The following ZKSCAN5 variants were observed in gnomAD, a reference collection of about 807,000 sequenced individuals.
ZKSCAN5 encodes zinc finger with KRAB and SCAN domains 5.
Under a neutral mutation model 60.0 loss-of-function variants are expected in ZKSCAN5, and 28 were observed. The ratio of observed to expected loss-of-function variants is 0.47; its 90% CI spans 0.35 to 0.64. The LOEUF is 0.64. Among genes scored for constraint, ZKSCAN5 ranks in the 30% least tolerant of loss-of-function variants. ZKSCAN5 has a pLI of 0.01. For synonymous variants in ZKSCAN5, 361 were observed against 371.2 expected (o/e 0.97, Z 0.31); for missense variants, 881 against 1,034.6 (o/e 0.85, Z 2.04).
At chr7:99,504,945 GC>G (rs1474582832) in intron 1 of ZKSCAN5, 5 of 152,608 alleles carry the variant, frequency 3.3e-5, no homozygotes, top group Admixed American at 6.5e-5. Context: ...TGGAGGCCCC[GC>G]CCCCTTCCCC....
chr7:99,527,861 G>T (rs941591952), intron 6 of ZKSCAN5, among the ~76,000 whole-genome samples: 4 of 151,592 alleles, frequency 2.6e-5, no homozygotes, highest in Admixed American at 2.0e-4. Context: ...ATTTTTTTTT[G>T]TATTTTTAGT....
At chr7:99,520,438 GAATA>G (rs975056133) in intron 5 of ZKSCAN5, 134 bp downstream of exon 5, 362 of 1,005,752 alleles carry the variant, frequency 3.6e-4, no homozygotes, top group Non-Finnish European at 4.2e-4. Context: ...TTTTGTAAAA[GAATA>G]AATCAGCCTT....
At chr7:99,518,979 CTTT>C (rs1233450704) in intron 3 of ZKSCAN5, among the ~76,000 whole-genome samples, 1 of 80,990 alleles carries the variant, frequency 1.2e-5, no homozygotes, top group Non-Finnish European at 2.6e-5. Context: ...TGGCCCCCAC[CTTT>C]TTTTTTTTTT....
At position 99,531,363 on chromosome 7, in the gene ZKSCAN5, G is replaced by T; in HGVS notation, c.1634G>T (p.Gly545Val). The T allele has an allele frequency of 6.2e-7, 1 of 1,614,162 alleles. No homozygotes were observed. The highest frequency in any genetic ancestry group is 1.1e-5 in the South Asian group (1 of 91,084). The change falls in exon 7 of 7, where the codon GGA (glycine) becomes GTA (valine). Residue 545 changes from glycine to valine, a missense_variant. Around this residue, in one of 5 missense-constraint regions of ZKSCAN5, gnomAD observed 490 missense variants for 554.5 expected, o/e 0.88. Coordinates refer to ENST00000326775, the MANE Select transcript of ZKSCAN5 (RefSeq NM_145102.4). ...VPYVHKKSST[G>V]ERPHKCNECG... ...TATGTCCACAAAAAATCCTCCACTG[G>T]AGAGAGACCACATAAATGTAACGAG...
chr7:99,527,001 TC>T (rs1168811736), intron 6 of ZKSCAN5, among the ~76,000 whole-genome samples: 1 of 152,204 alleles, frequency 6.6e-6, no homozygotes, highest in East Asian at 1.9e-4. Context: ...TTTCTCTCTT[TC>T]CCCTTTTCCC....
intron 5 of ZKSCAN5, among the ~76,000 whole-genome samples, chr7:99,522,163 G>T (rs1471885342): frequency 1.3e-5 from 2 of 152,102 alleles, no homozygotes; most frequent in Non-Finnish European, 2.9e-5. Context: ...TCTCTCGGAA[G>T]GCCATGTTAG....
In ZKSCAN5 at chr7:99,506,308, G is replaced by T. The variant is rs1161683922; in HGVS notation, c.264G>T (p.Gln88His). 6.2e-7 allele frequency: 1 copy of T among 1,614,122 alleles called. No individual in the cohort carries two copies. Among genetic ancestry groups the T allele is most frequent in the Admixed American group, 1.7e-5 (1 of 60,002 alleles). ...WLRPELHTKE[Q>H]ILELLVLEQF... ...GGCCCGAGCTGCACACGAAGGAGCAGATCCTGGAGCTGCTGGTGCTGGAGC... is the reference window on the plus strand; with the variant it reads ...GGCCCGAGCTGCACACGAAGGAGCATATCCTGGAGCTGCTGGTGCTGGAGC... Residue 88 changes from glutamine to histidine, a missense_variant, in exon 2 of 7, where the codon CAG (glutamine) becomes CAT (histidine). By Grantham distance (24) the Gln-to-His change is conservative (BLOSUM62 0). This residue lies in a region of ZKSCAN5 where 53 missense variants were observed against 88.7 expected (regional missense o/e 0.60). Coordinates refer to ENST00000326775, the MANE Select transcript of ZKSCAN5 (RefSeq NM_145102.4).
intron 1 of ZKSCAN5, 110 bp from the exon 2 acceptor site, chr7:99,505,895 C>T (rs542856078): frequency 8.8e-6 from 8 of 904,762 alleles, no homozygotes; most frequent in Middle Eastern, 3.5e-4. Flanking sequence ...TATAGATGAC[C>T]TCTTTGCCAT....
Position 99,512,088 on chromosome 7 carries a change from G to A in ZKSCAN5, c.415-365G>A, listed in dbSNP as rs553787422. On this transcript the variant is annotated intron_variant, in intron 2 of 6. Coordinates refer to ENST00000326775, the MANE Select transcript of ZKSCAN5 (RefSeq NM_145102.4). ...ATTACAGGCGTGAGCCACCCCGTGC[G>A]CCCAGCCCTTCTCAACCTTTAAGTG... Among the ~76,000 whole-genome samples the A allele has an allele frequency of 5.3e-5, 8 of 152,244 alleles. No individual in the cohort carries two copies. The South Asian group carries it at 6.2e-4, about 12-fold the overall frequency.
chr7:99,516,135 G>T (rs1467195213), intron 3 of ZKSCAN5, among the ~76,000 whole-genome samples: 1 of 151,878 alleles, frequency 6.6e-6, no homozygotes, highest in South Asian at 2.1e-4. Flanking sequence ...GTGCCACCAC[G>T]CCTGGCCACA....
rs756408825 is a variant in ZKSCAN5 at position 99,525,878 on chromosome 7, T to G, written c.838T>G (p.Trp280Gly). Residue 280 changes from tryptophan (W) to glycine (G), a missense_variant, in exon 6 of 7, where the codon TGG (tryptophan) becomes GGG (glycine). By Grantham distance (184) the Trp-to-Gly change is radical. Around this residue, in one of 5 missense-constraint regions of ZKSCAN5, gnomAD observed 490 missense variants for 554.5 expected, o/e 0.88. Coordinates refer to ENST00000326775, the MANE Select transcript of ZKSCAN5 (RefSeq NM_145102.4). ...KQISDDSESHWVAPEHTERSV... is the reference protein window; with the variant it reads ...KQISDDSESHGVAPEHTERSV... ...GATTTCTGATGACTCTGAATCACAC[T>G]GGGTGGCGCCAGAACACACCGAAAG... 1.2e-6 allele frequency: 2 copies of G among 1,614,034 alleles called. No individual in the cohort carries two copies. Among genetic ancestry groups the G allele is most frequent in the Non-Finnish European group, 1.7e-6 (2 of 1,180,016 alleles).
intron 6 of ZKSCAN5, among the ~76,000 whole-genome samples, chr7:99,526,854 G>C (rs1211521046): frequency 6.6e-6 from 1 of 152,130 alleles, no homozygotes; most frequent in African/African-American, 2.4e-5. Context: ...TGTGCTGGCT[G>C]TGCTCTCAGC....
At chr7:99,517,483 C>T (rs1195595467) in intron 3 of ZKSCAN5, among the ~76,000 whole-genome samples, 3 of 152,164 alleles carry the variant, frequency 2.0e-5, no homozygotes, top group South Asian at 2.1e-4. Flanking sequence ...GAGTTCAAGA[C>T]CAGCCTGGCC....
rs182740134 is a variant in ZKSCAN5 at position 99,520,337 on chromosome 7, A to G, written c.772+33A>G. 3.8e-6 allele frequency: 6 copies of G among 1,571,608 alleles called. No individual in the cohort carries two copies. The Admixed American group carries it at 6.0e-5, about 16-fold the overall frequency. ...TTATTTCATCTGCATGGATTAGGAC[A>G]TGTTTATTTTGTTATCTTGTAAAGA... is the stretch of plus-strand genomic sequence containing the variant. On this transcript the variant is annotated intron_variant, in intron 5 of 6. Coordinates refer to ENST00000326775, the MANE Select transcript of ZKSCAN5 (RefSeq NM_145102.4).
rs1165514384 is a variant in ZKSCAN5, at chr7:99,531,958, G to A, written c.2229G>A (p.Lys743=). 6.2e-7 allele frequency: 1 copy of A among 1,614,140 alleles called. No individual in the cohort carries two copies. The highest frequency in any genetic ancestry group is 8.5e-7 in the Non-Finnish European group (1 of 1,180,026). The change falls in exon 7 of 7, where the codon AAG becomes AAA. Residue 743 remains lysine, a synonymous_variant. Coordinates refer to ENST00000326775, the MANE Select transcript of ZKSCAN5 (RefSeq NM_145102.4). ...ATTACAGAACTCATACAGCAGAGAA[G>A]CCCTATCAATGTGATATATGTAGAG... ...IQHYRTHTAE[K]PYQCDICREN... is the part of the protein sequence containing the mutation.
chr7:99,525,684 G>A, intron 5 of ZKSCAN5, 129 bp from the exon 6 acceptor site: 3 of 1,280,044 alleles, frequency 2.3e-6, no homozygotes, highest in Non-Finnish European at 3.2e-6. Context: ...TCCCATCCCT[G>A]TACTGTAAAA....
At chr7:99,505,780 T>C (rs183466277) in intron 1 of ZKSCAN5, 22 of 348,578 alleles carry the variant, frequency 6.3e-5, no homozygotes, top group Admixed American at 5.4e-4. Context: ...TTTTACACTT[T>C]TAAAATGTTG....
intron 2 of ZKSCAN5, among the ~76,000 whole-genome samples, chr7:99,510,783 C>G (rs1418227588): frequency 1.3e-5 from 2 of 151,960 alleles, no homozygotes; most frequent in Non-Finnish European, 2.9e-5. Context: ...TGCTCTGTCA[C>G]CCAGGCTGGA....
At chr7:99,514,941 A>G (rs1801197568) in intron 3 of ZKSCAN5, among the ~76,000 whole-genome samples, 1 of 151,502 alleles carries the variant, frequency 6.6e-6, no homozygotes, top group Non-Finnish European at 1.5e-5. Context: ...TTAGCTAGGC[A>G]TGGTGGCACA....
Sources: gnomAD v4.1 joint callset for allele counts (sites outside exome capture counted in the v4.1 genomes callset) on GRCh38, gnomAD v4.1.1 for gene constraint, gnomAD v4.1.1 regional missense constraint, MANE v1.5 for transcripts, NCBI Gene and HGNC (gene_info 2026-07-23, HGNC 2026-07-21) for gene names.